The following FAM209A variants were observed in gnomAD, a reference collection of about 807,000 sequenced individuals.
FAM209A encodes protein FAM209A.
A neutral mutation model predicts 9.8 loss-of-function variants in FAM209A; 4 were observed. The ratio of observed to expected loss-of-function variants is 0.41; its 90% CI spans 0.20 to 0.94. FAM209A has a LOEUF of 0.94. FAM209A is among the 40% of genes least tolerant of loss of function. The pLI is 0.32. For missense variants in FAM209A, 205 were observed against 209.4 expected (o/e 0.98, Z 0.13); for synonymous variants, 55 against 77.8 (o/e 0.71, Z 1.54).
chr20:56,532,480 C>CTTTTTTTTTTTT, the FAM209A span, among the ~76,000 whole-genome samples: 116 of 108,230 alleles, frequency 1.1e-3, no homozygotes, highest in East Asian at 3.5e-3. Flanking sequence ...TTTTCTTTTT[C>CTTTTTTTTTTTT]TTTTTTTTTT....
rs1342374891 is a variant in FAM209A at position 56,524,807 on chromosome 20, C to T, written c.-2C>T. ...CAACTCCCTTCCCCATCTCTGCTCA[C>T]CATGTGGACGCTGAAATCGTCCCTG... On this transcript the variant is annotated 5_prime_UTR_variant, in exon 1 of 2. Coordinates refer to ENST00000371328, the MANE Select transcript of FAM209A (RefSeq NM_001012971.4). 1 of 1,614,136 alleles carries T rather than the reference C, an allele frequency of 6.2e-7. No individual in the cohort carries two copies.
the FAM209A span, among the ~76,000 whole-genome samples, chr20:56,532,403 A>G: frequency 6.6e-6 from 1 of 151,970 alleles, no homozygotes; most frequent in Non-Finnish European, 1.5e-5. Context: ...TGGCTCTAGC[A>G]GAAGACTGGT....
chr20:56,532,867 T>A, the FAM209A span, among the ~76,000 whole-genome samples: 1 of 152,170 alleles, frequency 6.6e-6, no homozygotes, highest in Non-Finnish European at 1.5e-5. Context: ...TACTGACTAA[T>A]AATTTTTAGA....
downstream of FAM209A, among the ~76,000 whole-genome samples, chr20:56,530,936 G>A (rs958774112): frequency 8.5e-5 from 13 of 152,226 alleles, no homozygotes; most frequent in South Asian, 6.2e-4. Flanking sequence ...GTAAATCTGC[G>A]AATCAGAGCC....
chr20:56,527,759 C>T (rs908172468), downstream of FAM209A, among the ~76,000 whole-genome samples: 1 of 152,234 alleles, frequency 6.6e-6, no homozygotes, highest in African/African-American at 2.4e-5. Flanking sequence ...AAGGCATAGG[C>T]GTCCCTCAAG....
At chr20:56,526,437 C>G (rs561936900), downstream of FAM209A, among the ~76,000 whole-genome samples, 1 of 152,282 alleles carries the variant, frequency 6.6e-6, no homozygotes, top group Non-Finnish European at 1.5e-5. Flanking sequence ...GTGCAAGATG[C>G]AGAACTGCTT....
Position 56,524,815 on chromosome 20 carries a change from A to T in FAM209A, c.7A>T (p.Thr3Ser). The T allele has an allele frequency of 6.2e-7, 1 of 1,614,180 alleles. No homozygotes were observed. Among genetic ancestry groups the T allele is most frequent in the Non-Finnish European group, 8.5e-7 (1 of 1,180,010 alleles). MW[T>S]LKSSLVLLLC... ...TTCCCCATCTCTGCTCACCATGTGG[A>T]CGCTGAAATCGTCCCTGGTCCTGCT... Residue 3 changes from threonine to serine, a missense_variant, in exon 1 of 2, where the codon ACG becomes TCG. By Grantham distance (58) the Thr-to-Ser change is moderately conservative. Transcript: ENST00000371328.
chr20:56,533,254 C>T, the FAM209A span: 1 of 1,580,482 alleles, frequency 6.3e-7, no homozygotes, highest in Non-Finnish European at 8.6e-7. Flanking sequence ...GTGACATCAC[C>T]AAGGGCCTGG....
chr20:56,528,344 G>A (rs1270902508), downstream of FAM209A, among the ~76,000 whole-genome samples: 1 of 144,642 alleles, frequency 6.9e-6, no homozygotes, highest in African/African-American at 2.6e-5. Context: ...TGTAATCTTA[G>A]CACTATGGGA....
downstream of FAM209A, among the ~76,000 whole-genome samples, chr20:56,528,735 C>G (rs898423772): frequency 6.6e-6 from 1 of 152,132 alleles, no homozygotes; most frequent in African/African-American, 2.4e-5. Flanking sequence ...AGACCTCATT[C>G]GAGAGGGTCA....
At chr20:56,527,481 C>T (rs929290606), downstream of FAM209A, among the ~76,000 whole-genome samples, 2 of 152,198 alleles carry the variant, frequency 1.3e-5, no homozygotes, top group African/African-American at 4.8e-5. Context: ...TAAAATCCTT[C>T]ATTTAATTCA....
chr20:56,529,038 G>T (rs1261397407), downstream of FAM209A, among the ~76,000 whole-genome samples: 2 of 151,630 alleles, frequency 1.3e-5, no homozygotes, highest in Non-Finnish European at 2.9e-5. Flanking sequence ...GTGAAACTCT[G>T]TCTCTACTAA....
chr20:56,532,480 CTTTTTTTTTT>C, the FAM209A span, among the ~76,000 whole-genome samples: 1 of 108,254 alleles, frequency 9.2e-6, no homozygotes, highest in Non-Finnish European at 1.8e-5. Context: ...TTTTCTTTTT[CTTTTTTTTTT>C]TTTTTTTTTT....
At chr20:56,532,290 A>G in the FAM209A span, among the ~76,000 whole-genome samples, 1 of 151,592 alleles carries the variant, frequency 6.6e-6, no homozygotes, top group Non-Finnish European at 1.5e-5. Flanking sequence ...GTATACTCTT[A>G]ACCCAAGGCA....
In FAM209A at chr20:56,524,942, G is replaced by A. The variant is rs149614912; in HGVS notation, c.134G>A (p.Arg45Gln). ...KVQYGEHFRI[R>Q]QNLPEHTQGW... is the part of the protein sequence containing the mutation. ...CAATACGGAGAGCACTTTCGGATTCGGCAGAATCTACCAGAGCACACCCAA... is the reference window on the plus strand; with the variant it reads ...CAATACGGAGAGCACTTTCGGATTCAGCAGAATCTACCAGAGCACACCCAA... The change falls in exon 1 of 2, where the codon CGG becomes CAG. Residue 45 changes from arginine to glutamine, a missense_variant. Arg to Gln is a conservative substitution (Grantham distance 43). Coordinates refer to ENST00000371328, the MANE Select transcript of FAM209A (RefSeq NM_001012971.4). The A allele has an allele frequency of 9.9e-6, 16 of 1,614,064 alleles. No individual in the cohort carries two copies. The highest frequency in any genetic ancestry group is 1.6e-4 in the Middle Eastern group (1 of 6,084).
intron 1 of FAM209A, among the ~76,000 whole-genome samples, chr20:56,525,587 C>G (rs776102570): frequency 6.6e-6 from 1 of 152,084 alleles, no homozygotes; most frequent in Non-Finnish European, 1.5e-5. Context: ...TGCGTTCTCC[C>G]CTAGAAAGAC....
the FAM209A span, chr20:56,533,448 T>G: frequency 6.2e-7 from 1 of 1,610,570 alleles, no homozygotes; most frequent in Non-Finnish European, 8.5e-7. Context: ...CAGGGGAAGG[T>G]GCCGTGTGGA....
the FAM209A span, chr20:56,533,452 G>A: frequency 4.2e-5 from 64 of 1,506,144 alleles, 1 homozygote; most frequent in African/African-American, 2.2e-4. Context: ...GGAAGGTGCC[G>A]TGTGGAGAGC....
chr20:56,533,253 C>T, the FAM209A span: 1 of 1,580,180 alleles, frequency 6.3e-7, no homozygotes, highest in Non-Finnish European at 8.6e-7. Flanking sequence ...TGTGACATCA[C>T]CAAGGGCCTG....
Sources: allele counts gnomAD v4.1 joint callset (sites outside exome capture counted in the v4.1 genomes callset), GRCh38; gene constraint gnomAD v4.1.1; transcripts MANE v1.5; gene names NCBI Gene and HGNC (gene_info 2026-07-23, HGNC 2026-07-21).